NSMCE2: variants seen among roughly 807,000 people sequenced by gnomAD.
NSMCE2 encodes the protein E3 SUMO-protein ligase NSE2.
A neutral mutation model predicts 23.8 loss-of-function variants in NSMCE2; 24 were observed. The ratio of observed to expected loss-of-function variants is 1.01; its 90% confidence interval spans 0.73 to 1.42. The LOEUF (loss-of-function observed/expected upper bound fraction) is 1.42. NSMCE2 is among the 40% of genes most tolerant of loss of function. The pLI, the probability that NSMCE2 is intolerant of heterozygous loss-of-function variation, is 0.00. For missense variants in NSMCE2, 284 were observed against 296.5 expected, an observed-to-expected ratio of 0.96 and a Z score of 0.31; for synonymous variants, 92 against 94.1, an observed-to-expected ratio of 0.98 and a Z score of 0.13.
intron 5 of NSMCE2, among the ~76,000 whole-genome samples, chr8:125,261,382 C>G (rs1826685418): frequency 6.6e-6 from 1 of 152,160 alleles, no homozygotes; most frequent in Non-Finnish European, 1.5e-5. Flanking sequence ...TATCAGAAAG[C>G]CTTTATTATT....
At chr8:125,277,739 C>T (rs986636697) in intron 5 of NSMCE2, among the ~76,000 whole-genome samples, 2 of 152,158 alleles carry the variant, frequency 1.3e-5, no homozygotes, top group Non-Finnish European at 2.9e-5. Flanking sequence ...TGGTCTCGAT[C>T]TCCTGACCTT....
intron 5 of NSMCE2, among the ~76,000 whole-genome samples, chr8:125,309,337 T>G (rs557568506): frequency 2.6e-5 from 4 of 152,238 alleles, no homozygotes; most frequent in African/African-American, 7.2e-5. Context: ...GTATAAAAAT[T>G]CATTAAGCAC....
intron 5 of NSMCE2, among the ~76,000 whole-genome samples, chr8:125,286,935 C>A (rs1827928411): frequency 6.6e-6 from 1 of 152,168 alleles, no homozygotes; most frequent in South Asian, 2.1e-4. Context: ...TATCTCTGAA[C>A]TTCAGTAGAC....
chr8:125,338,911 A>T (rs1035950901), intron 5 of NSMCE2, among the ~76,000 whole-genome samples: 2 of 152,182 alleles, frequency 1.3e-5, no homozygotes, highest in African/African-American at 2.4e-5. Context: ...TTTCTAAAGG[A>T]TTCCCTGAAA....
chr8:125,301,654 T>TTG lies in NSMCE2; in HGVS notation c.419-55564_419-55563insGT, dbSNP rs1491079716. On this transcript the variant is annotated intron_variant, in intron 5 of 7. Coordinates refer to ENST00000287437, the MANE Select transcript of NSMCE2 (RefSeq NM_173685.4). ...GACATGAGTTTTCCATACAAGCCAT[T>TTG]TTTTTTTTTTTTTTTTTTGAGACAG... is the stretch of plus-strand genomic sequence containing the variant. 3.9e-4 allele frequency among the ~76,000 whole-genome samples: 8 copies of TTG among 20,776 alleles called. No homozygotes were observed. In the South Asian group the frequency reaches 8.8e-3, roughly 23 times the overall value. The allele number at this position is 20,776 out of a possible 152,430, so 13.6% of individuals were successfully genotyped here. A position where few individuals can be genotyped will look rare whatever the true frequency, so the allele number is the denominator to read the frequency against.
At chr8:125,121,193 G>A (rs748469780) in intron 3 of NSMCE2, among the ~76,000 whole-genome samples, 1 of 152,178 alleles carries the variant, frequency 6.6e-6, no homozygotes, top group Non-Finnish European at 1.5e-5. Context: ...TATAGGTAGC[G>A]TGCTCAGTAG....
intron 3 of NSMCE2, among the ~76,000 whole-genome samples, chr8:125,132,327 C>A (rs1466165368): frequency 1.3e-5 from 2 of 152,186 alleles, no homozygotes; most frequent in African/African-American, 4.8e-5. Flanking sequence ...AGGCAATTCT[C>A]CCACTTCTTT....
At chr8:125,103,425 G>A (rs144971871) in intron 3 of NSMCE2, among the ~76,000 whole-genome samples, 22 of 152,284 alleles carry the variant, frequency 1.4e-4, no homozygotes, top group Admixed American at 2.6e-4. Context: ...ATTGGCATAG[G>A]TTTTGAGCAA....
At chr8:125,132,415 A>G (rs1223500776) in intron 3 of NSMCE2, among the ~76,000 whole-genome samples, 1 of 152,248 alleles carries the variant, frequency 6.6e-6, no homozygotes, top group Non-Finnish European at 1.5e-5. Context: ...TCAGCTCTCT[A>G]GGAAGCAGTG....
chr8:125,097,215 CT>C (rs1241999769), intron 1 of NSMCE2, among the ~76,000 whole-genome samples: 1 of 152,128 alleles, frequency 6.6e-6, no homozygotes, highest in Non-Finnish European at 1.5e-5. Flanking sequence ...AACAAGAACC[CT>C]TGTTTCATCA....
In NSMCE2 at chr8:125,192,118, C is replaced by T. The variant is rs190333113; in HGVS notation, c.418+9862C>T. Among the ~76,000 whole-genome samples the T allele has an allele frequency of 7.2e-5, 11 of 152,236 alleles. No homozygotes were observed. The East Asian group carries it at 1.9e-3, about 27-fold the overall frequency. On this transcript the variant is annotated intron_variant, in intron 5 of 7. Coordinates refer to ENST00000287437, the MANE Select transcript of NSMCE2 (RefSeq NM_173685.4). ...TATTTTAAGAGAGTATGATGCCATCCACACTCAGAAAGTAGCCTGAATCTA... is the reference window on the plus strand; with the variant it reads ...TATTTTAAGAGAGTATGATGCCATCTACACTCAGAAAGTAGCCTGAATCTA...
Position 125,305,214 on chromosome 8 carries a change from C to G in NSMCE2, c.419-52005C>G, listed in dbSNP as rs145137798. On this transcript the variant is annotated intron_variant, in intron 5 of 7. Transcript: ENST00000287437. ...CTGAAACTATATACCTGGCATTAAGCTAAGGAATTTAATACATTATTTGAT... is the reference window on the plus strand; with the variant it reads ...CTGAAACTATATACCTGGCATTAAGGTAAGGAATTTAATACATTATTTGAT... Among the ~76,000 whole-genome samples, 48 of 152,272 alleles carry G rather than the reference C, an allele frequency of 3.2e-4. No homozygotes were observed. In the East Asian group the frequency reaches 7.1e-3, roughly 23 times the overall value.
intron 4 of NSMCE2, among the ~76,000 whole-genome samples, chr8:125,154,932 G>A (rs1821234623): frequency 6.6e-6 from 1 of 152,082 alleles, no homozygotes; most frequent in Non-Finnish European, 1.5e-5. Flanking sequence ...CTATTGGCTG[G>A]CTTTTTGTTT....
intron 5 of NSMCE2, among the ~76,000 whole-genome samples, chr8:125,184,702 C>G (rs1165997004): frequency 6.6e-6 from 1 of 151,984 alleles, no homozygotes; most frequent in Admixed American, 6.5e-5. Flanking sequence ...TATACTAATA[C>G]AAGTTGATAC....
intron 4 of NSMCE2, among the ~76,000 whole-genome samples, chr8:125,157,877 G>A (rs996442598): frequency 2.0e-5 from 3 of 152,118 alleles, no homozygotes; most frequent in Non-Finnish European, 4.4e-5. Flanking sequence ...AATTAATCAG[G>A]ATGTGAATAA....
chr8:125,260,184 G>A (rs1295601995), intron 5 of NSMCE2, among the ~76,000 whole-genome samples: 1 of 152,172 alleles, frequency 6.6e-6, no homozygotes, highest in African/African-American at 2.4e-5. Flanking sequence ...AAATGTGGGA[G>A]GACATATCTC....
intron 5 of NSMCE2, among the ~76,000 whole-genome samples, chr8:125,214,747 CTAT>C (rs530787854): frequency 8.6e-4 from 131 of 152,142 alleles, no homozygotes; most frequent in African/African-American, 3.1e-3. Context: ...TATTGATACA[CTAT>C]TATTGAGTTA....
At chr8:125,208,521 G>C (rs2130879198) in intron 5 of NSMCE2, among the ~76,000 whole-genome samples, 1 of 152,316 alleles carries the variant, frequency 6.6e-6, no homozygotes, top group South Asian at 2.1e-4. Context: ...TACATAGATG[G>C]ATATGACCTA....
intron 5 of NSMCE2, among the ~76,000 whole-genome samples, chr8:125,258,603 T>C (rs973202224): frequency 1.3e-5 from 2 of 152,182 alleles, no homozygotes; most frequent in Admixed American, 6.5e-5. Flanking sequence ...GGATGGCTTG[T>C]TTTGTTTTTT....
Sources: allele counts gnomAD v4.1 joint callset (sites outside exome capture counted in the v4.1 genomes callset), GRCh38; gene constraint gnomAD v4.1.1; transcripts MANE v1.5; gene names NCBI Gene and HGNC (gene_info 2026-07-23, HGNC 2026-07-21).